Variants in ATXN7L1 observed in about 807,000 individuals in gnomAD.
The protein encoded by ATXN7L1 is ataxin-7-like protein 1.
ATXN7L1 carries 15 observed loss-of-function variants against 70.8 expected under a neutral mutation model. The ratio of observed to expected loss-of-function variants is 0.21; its 90% CI spans 0.14 to 0.33. The LOEUF is 0.33. Among genes scored for constraint, ATXN7L1 ranks in the 10% least tolerant of loss-of-function variants. The pLI is 1.00. For missense variants in ATXN7L1, 975 were observed against 1,097.1 expected (o/e 0.89, Z 1.57); for synonymous variants, 440 against 445.1 (o/e 0.99, Z 0.14).
chr7:105,692,803 T>C lies in ATXN7L1; in HGVS notation c.356-27515A>G, dbSNP rs549736119. On this transcript the variant is annotated intron_variant, in intron 3 of 11. Transcript: ENST00000419735. ...CCCAGGCTGAAGTGCAGTGGTGCCA[T>C]CAGAGCTCACTGCATCCTTGAATTC... Among the ~76,000 whole-genome samples the C allele has an allele frequency of 2.0e-5, 3 of 152,196 alleles. No individual in the cohort carries two copies. In the South Asian group the frequency reaches 6.2e-4, roughly 32 times the overall value.
chr7:105,638,463 G>T lies in ATXN7L1; in HGVS notation c.1092C>A (p.Ser364Arg). 1 of 1,552,312 alleles carries T rather than the reference G, an allele frequency of 6.4e-7. No homozygotes were observed. Among genetic ancestry groups the T allele is most frequent in the Non-Finnish European group, 8.7e-7 (1 of 1,147,136 alleles). The change falls in exon 7 of 12, where the codon AGC becomes AGA. Residue 364 changes from serine to arginine, a missense_variant. By Grantham distance (110) the Ser-to-Arg change is moderately radical (BLOSUM62 -1). This residue lies in a region of ATXN7L1 where 635 missense variants were observed against 699.4 expected (regional missense o/e 0.91). Transcript: ENST00000419735. ...GAGAATCCTGTGCCGGCCCGGATTG[G>T]CTTGGAAGTATTTCCCTCGTGGAAG... Reference protein sequence around the residue: ...LLTSTREILPSQSGPAQDSLL... With the variant: ...LLTSTREILPRQSGPAQDSLL...
Position 105,607,807 on chromosome 7 carries a change from G to T in ATXN7L1, c.*45C>A, listed in dbSNP as rs1431377754. On this transcript the variant is annotated 3_prime_UTR_variant, in exon 12 of 12. Coordinates refer to ENST00000419735, the MANE Select transcript of ATXN7L1 (RefSeq NM_020725.2). ...TCCTCCCCATGGCCTCCTCGGATGGGATTAGGTGGCCTGGAATTGATGTGG... is the reference window on the plus strand; with the variant it reads ...TCCTCCCCATGGCCTCCTCGGATGGTATTAGGTGGCCTGGAATTGATGTGG... 1 of 1,528,720 alleles carries T rather than the reference G, an allele frequency of 6.5e-7. No homozygotes were observed. Among genetic ancestry groups the T allele is most frequent in the Admixed American group, 2.0e-5 (1 of 50,980 alleles). 94.7% of individuals were successfully genotyped at this position (1,528,720 alleles called of 1,614,324 possible). A position where few individuals can be genotyped will look rare whatever the true frequency, so the allele number is the denominator to read the frequency against.
intron 2 of ATXN7L1, among the ~76,000 whole-genome samples, chr7:105,800,260 C>T (rs1224080634): frequency 6.6e-6 from 1 of 152,176 alleles, no homozygotes; most frequent in East Asian, 1.9e-4. Flanking sequence ...GATTGGGCCC[C>T]AATCCCTGGG....
intron 4 of ATXN7L1, among the ~76,000 whole-genome samples, chr7:105,664,545 A>AT (rs1802254385): frequency 7.4e-6 from 1 of 135,526 alleles, no homozygotes; most frequent in Non-Finnish European, 1.6e-5. Flanking sequence ...ATATATGTAT[A>AT]ATATACATAT....
chr7:105,808,629 A>G (rs1424737547), intron 2 of ATXN7L1, among the ~76,000 whole-genome samples: 1 of 152,248 alleles, frequency 6.6e-6, no homozygotes, highest in Non-Finnish European at 1.5e-5. Context: ...GAGAAAACAA[A>G]ACAAAAAACT....
At chr7:105,612,502 C>T (rs75014114) in intron 10 of ATXN7L1, among the ~76,000 whole-genome samples, 2,193 of 152,226 alleles carry the variant, frequency 0.014, 55 homozygotes, top group African/African-American at 0.05. Flanking sequence ...CCGGGGGATT[C>T]GTGTATATGT....
At chr7:105,634,495 G>C (rs1797079406) in intron 7 of ATXN7L1, among the ~76,000 whole-genome samples, 1 of 152,122 alleles carries the variant, frequency 6.6e-6, no homozygotes, top group African/African-American at 2.4e-5. Flanking sequence ...GAGTAAACTA[G>C]TATCTGCCTT....
At chr7:105,827,436 A>G (rs1811023256) in intron 2 of ATXN7L1, among the ~76,000 whole-genome samples, 1 of 152,256 alleles carries the variant, frequency 6.6e-6, no homozygotes, top group African/African-American at 2.4e-5. Flanking sequence ...CACAGTTCAG[A>G]GACCATTCTA....
chr7:105,868,893 G>A (rs968048195), intron 2 of ATXN7L1, among the ~76,000 whole-genome samples: 1 of 152,186 alleles, frequency 6.6e-6, no homozygotes, highest in African/African-American at 2.4e-5. Flanking sequence ...CAGTGTTTCC[G>A]TGTGTCCATT....
At chr7:105,851,893 T>C (rs988638785) in intron 2 of ATXN7L1, among the ~76,000 whole-genome samples, 2 of 152,200 alleles carry the variant, frequency 1.3e-5, no homozygotes, top group South Asian at 4.1e-4. Flanking sequence ...GTTTCCCTCT[T>C]GCACCCTCTA....
At chr7:105,610,690 G>A in intron 10 of ATXN7L1, 87 bp from the exon 11 acceptor site, 1 of 1,151,828 alleles carries the variant, frequency 8.7e-7, no homozygotes. Context: ...GGGAAAGAAG[G>A]GCTGCACAAT....
intron 4 of ATXN7L1, among the ~76,000 whole-genome samples, chr7:105,655,270 C>G (rs771026672): frequency 6.6e-6 from 1 of 152,224 alleles, no homozygotes; most frequent in Non-Finnish European, 1.5e-5. Flanking sequence ...CACTCTGCCC[C>G]CAGCCGCAGC....
At chr7:105,839,353 G>T (rs149755290) in intron 2 of ATXN7L1, among the ~76,000 whole-genome samples, 58 of 152,260 alleles carry the variant, frequency 3.8e-4, no homozygotes, top group African/African-American at 1.4e-3. Context: ...TCCAACCCTG[G>T]GCTTTCCATG....
intron 2 of ATXN7L1, among the ~76,000 whole-genome samples, chr7:105,860,799 A>G (rs1343508999): frequency 2.0e-5 from 3 of 152,272 alleles, no homozygotes; most frequent in Non-Finnish European, 4.4e-5. Context: ...TAGTCGAACT[A>G]TAACACTGCT....
intron 11 of ATXN7L1, among the ~76,000 whole-genome samples, chr7:105,609,144 GA>G (rs1259619212): frequency 1.3e-5 from 2 of 151,954 alleles, no homozygotes; most frequent in Non-Finnish European, 2.9e-5. Flanking sequence ...AGTGCTGATG[GA>G]CAGACACCAT....
intron 9 of ATXN7L1, among the ~76,000 whole-genome samples, chr7:105,618,753 G>C (rs1794298060): frequency 6.6e-6 from 1 of 152,184 alleles, no homozygotes; most frequent in African/African-American, 2.4e-5. Flanking sequence ...ATGATATCTT[G>C]AGAGCTCACC....
chr7:105,668,673 C>T (rs546966135), intron 3 of ATXN7L1, among the ~76,000 whole-genome samples: 4 of 152,174 alleles, frequency 2.6e-5, no homozygotes, highest in East Asian at 3.9e-4. Context: ...TTGCCCGTCT[C>T]AGCCTCCCAA....
At chr7:105,642,591 C>G (rs1798432109) in intron 5 of ATXN7L1, among the ~76,000 whole-genome samples, 1 of 152,256 alleles carries the variant, frequency 6.6e-6, no homozygotes, top group Admixed American at 6.5e-5. Context: ...GAGCACCCTG[C>G]CTCCTGGGTT....
At chr7:105,833,235 G>T (rs1353546226) in intron 2 of ATXN7L1, among the ~76,000 whole-genome samples, 2 of 152,058 alleles carry the variant, frequency 1.3e-5, no homozygotes, top group Non-Finnish European at 2.9e-5. Flanking sequence ...TGTTTCCTCA[G>T]ATCATTCAGT....
Sources: gnomAD v4.1 joint callset for allele counts (sites outside exome capture counted in the v4.1 genomes callset) on GRCh38, gnomAD v4.1.1 for gene constraint, gnomAD v4.1.1 regional missense constraint, MANE v1.5 for transcripts, NCBI Gene and HGNC (gene_info 2026-07-23, HGNC 2026-07-21) for gene names.